Variants in PDE1A observed in about 807,000 individuals in gnomAD.
PDE1A encodes the protein phosphodiesterase 1A.
PDE1A carries 35 observed loss-of-function variants against 61.7 expected under a neutral mutation model. The observed-to-expected ratio is 0.57, with a 90% CI of 0.43 to 0.75. The LOEUF is 0.75. Ranked by LOEUF, PDE1A falls within the 30% of genes least tolerant of loss-of-function variation. PDE1A has a pLI of 0.00. For missense variants in PDE1A, 597 were observed against 630.6 expected (o/e 0.95, Z 0.57); for synonymous variants, 232 against 213.2 (o/e 1.09, Z -0.77).
At chr2:182,291,618 T>C (rs1025160303) in intron 1 of PDE1A, among the ~76,000 whole-genome samples, 9 of 152,104 alleles carry the variant, frequency 5.9e-5, no homozygotes, top group African/African-American at 4.8e-5. Flanking sequence ...GAGAGACTAA[T>C]AGGATTTGTT....
chr2:182,545,651 A>T, the PDE1A span, among the ~76,000 whole-genome samples: 1 of 152,170 alleles, frequency 6.6e-6, no homozygotes. Context: ...CTCAGAGCTC[A>T]AAGTTTAAAG....
chr2:182,176,460 G>T (rs1692796927), intron 13 of PDE1A, among the ~76,000 whole-genome samples: 1 of 140,868 alleles, frequency 7.1e-6, no homozygotes, highest in East Asian at 2.0e-4. Flanking sequence ...GTGAATGGGA[G>T]TTCACTCATG....
intron 1 of PDE1A, among the ~76,000 whole-genome samples, chr2:182,411,242 G>A (rs573761267): frequency 6.6e-6 from 1 of 152,180 alleles, no homozygotes; most frequent in South Asian, 2.1e-4. Context: ...GTTGTCTGTT[G>A]CTGAAACCTA....
the PDE1A span, among the ~76,000 whole-genome samples, chr2:182,607,428 C>G: frequency 1.3e-5 from 2 of 152,168 alleles, no homozygotes; most frequent in Non-Finnish European, 2.9e-5. Flanking sequence ...GTGCATTTCA[C>G]TATACAGTTG....
At chr2:182,633,508 C>T in the PDE1A span, among the ~76,000 whole-genome samples, 1 of 152,094 alleles carries the variant, frequency 6.6e-6, no homozygotes, top group Non-Finnish European at 1.5e-5. Context: ...TTAATATTGG[C>T]ATGGAAGGCT....
At chr2:182,635,699 T>TCTCTAA in the PDE1A span, among the ~76,000 whole-genome samples, 35 of 28,482 alleles carry the variant, frequency 1.2e-3, no homozygotes, top group African/African-American at 3.7e-3. Flanking sequence ...TCTCTCTCTC[T>TCTCTAA]CCACATATGT....
chr2:182,193,718 T>C (rs577959150), intron 10 of PDE1A, among the ~76,000 whole-genome samples: 1 of 152,296 alleles, frequency 6.6e-6, no homozygotes, highest in African/African-American at 2.4e-5. Flanking sequence ...TGGTCTGATA[T>C]AACTATATTT....
chr2:182,450,011 T>C (rs1171967937), intron 2 of PDE1A, among the ~76,000 whole-genome samples: 1 of 152,106 alleles, frequency 6.6e-6, no homozygotes, highest in Non-Finnish European at 1.5e-5. Flanking sequence ...TGCTACAACA[T>C]AAAATGTGCT....
At chr2:182,329,693 T>C (rs1697277214) in intron 1 of PDE1A, among the ~76,000 whole-genome samples, 1 of 152,020 alleles carries the variant, frequency 6.6e-6, no homozygotes, top group African/African-American at 2.4e-5. Flanking sequence ...GCCTGGCCTG[T>C]CTAATTACCA....
At chr2:182,672,862 T>C in the PDE1A span, among the ~76,000 whole-genome samples, 1 of 152,222 alleles carries the variant, frequency 6.6e-6, no homozygotes. Flanking sequence ...TTCATTTTAA[T>C]GTGTAATAAG....
At chr2:182,396,102 T>C (rs200732709) in intron 1 of PDE1A, among the ~76,000 whole-genome samples, 1 of 152,212 alleles carries the variant, frequency 6.6e-6, no homozygotes, top group East Asian at 1.9e-4. Flanking sequence ...GTCTCCACTC[T>C]TGCCACCCTG....
intron 2 of PDE1A, among the ~76,000 whole-genome samples, chr2:182,262,825 G>A (rs1361926754): frequency 6.6e-6 from 1 of 152,028 alleles, no homozygotes; most frequent in African/African-American, 2.4e-5. Flanking sequence ...AAAGGATGAG[G>A]CAAAAATACA....
intron 2 of PDE1A, among the ~76,000 whole-genome samples, chr2:182,484,776 C>A (rs1687912187): frequency 2.6e-5 from 4 of 151,818 alleles, no homozygotes; most frequent in Admixed American, 2.6e-4. Context: ...AGCTCAAAAT[C>A]ACTGATTATT....
intron 2 of PDE1A, among the ~76,000 whole-genome samples, chr2:182,257,280 G>A (rs183716469): frequency 2.0e-4 from 31 of 152,198 alleles, no homozygotes; most frequent in African/African-American, 7.5e-4. Context: ...TAACATGGTA[G>A]CCCATTTTGA....
the PDE1A span, among the ~76,000 whole-genome samples, chr2:182,626,713 G>A: frequency 7.0e-3 from 594 of 84,600 alleles, 38 homozygotes; most frequent in Middle Eastern, 0.031. Context: ...AAGAACAAAT[G>A]GCTTTATATA....
At chr2:182,649,517 T>G in the PDE1A span, among the ~76,000 whole-genome samples, 1 of 150,658 alleles carries the variant, frequency 6.6e-6, no homozygotes, top group Non-Finnish European at 1.5e-5. Context: ...CAATTGTAAT[T>G]CCAGCACTTT....
At chr2:182,710,087 C>A in the PDE1A span, among the ~76,000 whole-genome samples, 2 of 152,024 alleles carry the variant, frequency 1.3e-5, no homozygotes, top group Non-Finnish European at 2.9e-5. Context: ...AGCAGAGATA[C>A]GGTTTCACCA....
chr2:182,700,721 C>CAAAAAAAAACAAAA, the PDE1A span, among the ~76,000 whole-genome samples: 1 of 24,004 alleles, frequency 4.2e-5, no homozygotes, highest in Non-Finnish European at 9.3e-5. Context: ...GACTCCATCT[C>CAAAAAAAAACAAAA]AAAAAAAAAA....
At chr2:182,483,094 T>A (rs1486861139) in intron 2 of PDE1A, among the ~76,000 whole-genome samples, 1 of 151,852 alleles carries the variant, frequency 6.6e-6, no homozygotes, top group East Asian at 1.9e-4. Context: ...ACAAAGAGGA[T>A]CATTCATAAT....
Sources: gnomAD v4.1 joint callset for allele counts (sites outside exome capture counted in the v4.1 genomes callset) on GRCh38, gnomAD v4.1.1 for gene constraint, MANE v1.5 for transcripts, NCBI Gene and HGNC (gene_info 2026-07-23, HGNC 2026-07-21) for gene names.